The following TTLL5 variants were observed in gnomAD, a reference collection of about 807,000 sequenced individuals.
TTLL5 encodes tubulin polyglutamylase TTLL5.
In TTLL5, 132 loss-of-function variants were observed where a neutral mutation model predicts 168.4. The ratio of observed to expected loss-of-function variants is 0.78; its 90% CI spans 0.68 to 0.91. TTLL5 has a LOEUF of 0.91. TTLL5 is among the 40% of genes least tolerant of loss of function. The pLI, the probability that TTLL5 is intolerant of heterozygous loss-of-function variation, is 0.00. For synonymous variants in TTLL5, 546 were observed against 558.6 expected (o/e 0.98, Z 0.32); for missense variants, 1,545 against 1,581.5 (o/e 0.98, Z 0.39).
At chr14:75,878,285 A>G (rs1291192313) in intron 29 of TTLL5, among the ~76,000 whole-genome samples, 1 of 152,160 alleles carries the variant, frequency 6.6e-6, no homozygotes, top group Non-Finnish European at 1.5e-5. Context: ...TTTTTTTCCC[A>G]CATAGTTAGA....
chr14:75,717,949 G>T lies in TTLL5; in HGVS notation c.829G>T (p.Gly277Ter). The T allele has an allele frequency of 6.2e-7, 1 of 1,613,494 alleles. No individual in the cohort carries two copies. Among genetic ancestry groups the T allele is most frequent in the Non-Finnish European group, 8.5e-7 (1 of 1,179,846 alleles). The stretch of plus-strand genomic sequence containing the variant: ...AAACTACAGTGTCAACAAGAAAAGT[G>T]GAGATTACGTCAGGTACTGGCTGTG... Reference protein sequence around the residue: ...LTNYSVNKKSGDYVSCDDPEV... With the variant: ...LTNYSVNKKS The change falls in exon 10 of 32, where the codon GGA becomes TGA. Residue 277 changes from glycine (G) to a stop codon, truncating the protein, a stop_gained. Transcript: ENST00000298832. LOFTEE classifies it high-confidence loss of function.
chr14:75,953,849 A>T (rs1013560073), intron 31 of TTLL5, among the ~76,000 whole-genome samples: 1 of 152,212 alleles, frequency 6.6e-6, no homozygotes, highest in African/African-American at 2.4e-5. Flanking sequence ...AGGGAAAGAT[A>T]AAGTGTTTTT....
chr14:75,789,268 T>C (rs1475350875), intron 26 of TTLL5, among the ~76,000 whole-genome samples: 1 of 152,136 alleles, frequency 6.6e-6, no homozygotes, highest in South Asian at 2.1e-4. Flanking sequence ...AAAGAAATTA[T>C]AAGCATAAGG....
At chr14:75,727,856 T>A (rs745892399) in intron 12 of TTLL5, 1 of 501,958 alleles carries the variant, frequency 2.0e-6, no homozygotes. Flanking sequence ...TTGTCAGGGA[T>A]GGGGGAAAGG....
intron 30 of TTLL5, among the ~76,000 whole-genome samples, chr14:75,897,658 T>C (rs1297953342): frequency 6.6e-6 from 1 of 151,910 alleles, no homozygotes; most frequent in East Asian, 1.9e-4. Flanking sequence ...GTATTTTTAG[T>C]AGAGATGGGG....
At chr14:75,787,213 G>C (rs1165978288) in intron 26 of TTLL5, among the ~76,000 whole-genome samples, 1 of 152,060 alleles carries the variant, frequency 6.6e-6, no homozygotes, top group African/African-American at 2.4e-5. Flanking sequence ...GGTTAAACTT[G>C]ACAGATTTTT....
At chr14:75,813,769 C>T (rs983883283) in intron 27 of TTLL5, among the ~76,000 whole-genome samples, 1 of 149,594 alleles carries the variant, frequency 6.7e-6, no homozygotes, top group Non-Finnish European at 1.5e-5. Context: ...GTGTTTTTCA[C>T]TTAAAGATGT....
rs551397895 is a variant in TTLL5, at chr14:75,900,930, G to T, written c.3741-1212G>T. Among the ~76,000 whole-genome samples, 32 of 152,256 alleles carry T rather than the reference G, an allele frequency of 2.1e-4. 2 individuals are homozygous for T. The highest frequency in any genetic ancestry group is 1.8e-3 in the Admixed American group (27 of 15,290). On this transcript the variant is annotated intron_variant, in intron 30 of 31. Transcript: ENST00000298832. Reference sequence around the variant, plus strand: ...CGTGCTTTAACGTATCTCCTCACTAGTACAGAACACAGGAAATGCTTGATA... The same window carrying T: ...CGTGCTTTAACGTATCTCCTCACTATTACAGAACACAGGAAATGCTTGATA...
chr14:75,899,195 G>A (rs984214616), intron 30 of TTLL5, among the ~76,000 whole-genome samples: 13 of 152,196 alleles, frequency 8.5e-5, no homozygotes, highest in Admixed American at 8.5e-4. Context: ...TATAAGGTAG[G>A]TCTTGTTATC....
intron 4 of TTLL5, among the ~76,000 whole-genome samples, chr14:75,681,987 C>T (rs755344053): frequency 6.6e-6 from 1 of 151,732 alleles, no homozygotes; most frequent in African/African-American, 2.4e-5. Flanking sequence ...GTCAGGAGAT[C>T]GAGACCATCC....
intron 27 of TTLL5, among the ~76,000 whole-genome samples, chr14:75,811,503 T>C (rs1894028133): frequency 6.6e-6 from 1 of 152,200 alleles, no homozygotes; most frequent in African/African-American, 2.4e-5. Context: ...GCTGTTCTTT[T>C]ATGGCACTTA....
In TTLL5 at chr14:75,762,390, G is replaced by A. The variant is rs112627029; in HGVS notation, c.1551-2225G>A. On this transcript the variant is annotated intron_variant, in intron 18 of 31. Transcript: ENST00000298832. ...AGCCTGGGTGACAGAGCAAGACTCCGTCTCAAAATAAATAAATAAATAAAT... is the reference window on the plus strand; with the variant it reads ...AGCCTGGGTGACAGAGCAAGACTCCATCTCAAAATAAATAAATAAATAAAT... Among the ~76,000 whole-genome samples, 5 of 152,052 alleles carry A rather than the reference G, an allele frequency of 3.3e-5. No individual in the cohort carries two copies. The East Asian group carries it at 7.7e-4, about 23-fold the overall frequency.
intron 31 of TTLL5, among the ~76,000 whole-genome samples, chr14:75,917,480 G>C (rs997428777): frequency 1.5e-4 from 23 of 152,248 alleles, no homozygotes; most frequent in African/African-American, 5.3e-4. Flanking sequence ...ATCAGGCCCT[G>C]TGGCCTCCGC....
At chr14:75,941,554 T>C (rs1328461540) in intron 31 of TTLL5, 1 of 152,248 alleles carries the variant, frequency 6.6e-6, no homozygotes, top group Non-Finnish European at 1.5e-5. Context: ...ATTTTTCTTA[T>C]TCACTTCAGA....
At chr14:75,857,222 GC>G (rs2139916814) in intron 28 of TTLL5, among the ~76,000 whole-genome samples, 1 of 152,264 alleles carries the variant, frequency 6.6e-6, no homozygotes, top group African/African-American at 2.4e-5. Context: ...TTTGTCAAAT[GC>G]ATTTCATGTC....
intron 31 of TTLL5, among the ~76,000 whole-genome samples, chr14:75,953,087 G>A (rs1467867323): frequency 6.6e-6 from 1 of 152,058 alleles, no homozygotes; most frequent in Non-Finnish European, 1.5e-5. Context: ...TAAGCAAAAG[G>A]CATATCCACA....
chr14:75,773,906 ACAT>A, intron 21 of TTLL5, among the ~76,000 whole-genome samples: 1 of 38,096 alleles, frequency 2.6e-5, no homozygotes, highest in Non-Finnish European at 6.2e-5. Flanking sequence ...AAAAAAAAAT[ACAT>A]ATATATATAT....
At chr14:75,863,439 G>A (rs906424213) in intron 28 of TTLL5, among the ~76,000 whole-genome samples, 8 of 152,124 alleles carry the variant, frequency 5.3e-5, no homozygotes, top group African/African-American at 1.7e-4. Flanking sequence ...TGTGTGCCAG[G>A]CCTTATGATA....
At chr14:75,950,369 A>G (rs558392063) in intron 31 of TTLL5, among the ~76,000 whole-genome samples, 1 of 152,360 alleles carries the variant, frequency 6.6e-6, no homozygotes, top group East Asian at 1.9e-4. Flanking sequence ...GGCTTGTAAA[A>G]TCCAATCCAG....
Sources: gnomAD v4.1 joint callset for allele counts (sites outside exome capture counted in the v4.1 genomes callset) on GRCh38, gnomAD v4.1.1 for gene constraint, MANE v1.5 for transcripts, NCBI Gene and HGNC (gene_info 2026-07-23, HGNC 2026-07-21) for gene names.